The following ZMAT3 variants were observed in gnomAD, a reference collection of about 807,000 sequenced individuals.
The protein encoded by ZMAT3 is zinc finger matrin-type 3.
In ZMAT3, 17 loss-of-function variants were observed where a neutral mutation model predicts 32.3. The ratio of observed to expected loss-of-function variants is 0.53; its 90% CI spans 0.36 to 0.79. ZMAT3 has a LOEUF of 0.79. Ranked by LOEUF, ZMAT3 falls within the 30% of genes least tolerant of loss-of-function variation. The pLI is 0.00. For synonymous variants in ZMAT3, 120 were observed against 133.1 expected (o/e 0.90, Z 0.68); for missense variants, 329 against 359.7 (o/e 0.91, Z 0.69).
Position 179,022,983 on chromosome 3 carries a change from T to G in ZMAT3, c.*2034A>C, listed in dbSNP as rs976514880. ...AATTAGTAATACAAGCAATCAAATG[T>G]GAACTGACCATTGTGCAAACATACT... is the stretch of plus-strand genomic sequence containing the variant. On this transcript the variant is annotated 3_prime_UTR_variant, in exon 6 of 6. Transcript: ENST00000311417. 2.0e-5 allele frequency: 3 copies of G among 152,196 alleles called. No homozygotes were observed. Among genetic ancestry groups the G allele is most frequent in the Non-Finnish European group, 4.4e-5 (3 of 68,032 alleles). 9.4% of individuals were successfully genotyped at this position (152,196 alleles called of 1,614,324 possible). A position where few individuals can be genotyped will look rare whatever the true frequency, so the allele number is the denominator to read the frequency against.
chr3:179,064,368 T>A (rs1486017555), intron 2 of ZMAT3, among the ~76,000 whole-genome samples: 11 of 152,216 alleles, frequency 7.2e-5, no homozygotes, highest in Admixed American at 7.2e-4. Flanking sequence ...TAAACCACTT[T>A]ATTAGTCTAC....
chr3:179,067,573 G>A lies in ZMAT3; in HGVS notation c.180C>T (p.Asp60=). 6.2e-7 allele frequency: 1 copy of A among 1,614,212 alleles called. No individual in the cohort carries two copies. The highest frequency in any genetic ancestry group is 2.2e-5 in the East Asian group (1 of 44,880). Reference sequence around the variant, plus strand: ...GCTTACATAGCTCCTCCAGGGCACAGTCTTGCTCCCCTCCCTTCGATAACT... The same window carrying A: ...GCTTACATAGCTCCTCCAGGGCACAATCTTGCTCCCCTCCCTTCGATAACT... ...EEELSKGGEQ[D]CALEELCKPL... The change falls in exon 2 of 6, where the codon GAC becomes GAT. Residue 60 remains aspartate (D), a synonymous_variant. Transcript: ENST00000311417.
chr3:179,067,843 T>G (rs2108592645), intron 1 of ZMAT3, 34 bp from the exon 2 acceptor site: 2 of 1,506,660 alleles, frequency 1.3e-6, no homozygotes, highest in East Asian at 4.5e-5. Flanking sequence ...AAAAAAAAAC[T>G]CACTTGAAAA....
intron 2 of ZMAT3, among the ~76,000 whole-genome samples, chr3:179,058,835 G>GA (rs1447041316): frequency 8.0e-6 from 1 of 125,380 alleles, no homozygotes; most frequent in Non-Finnish European, 1.8e-5. Context: ...TGGAATACTT[G>GA]AAAGTAATTC....
At chr3:179,040,305 G>C (rs1466634243) in intron 2 of ZMAT3, among the ~76,000 whole-genome samples, 1 of 152,100 alleles carries the variant, frequency 6.6e-6, no homozygotes, top group African/African-American at 2.4e-5. Flanking sequence ...TTGAAATGAA[G>C]GAAAAAATGT....
Position 179,067,720 on chromosome 3 carries a change from T to G in ZMAT3, c.33A>C (p.Pro11=), listed in dbSNP as rs768781934. 1.1e-5 allele frequency: 17 copies of G among 1,613,870 alleles called. No homozygotes were observed. The highest frequency in any genetic ancestry group is 1.4e-5 in the Non-Finnish European group (16 of 1,180,018). ...GAGGCGAGGGTGAGGGCTGCTTAGG[T>G]GGAGGAAGCACGGCGTGTTGCAAGA... MILLQHAVLP[P]PKQPSPSPPM... The change falls in exon 2 of 6, where the codon CCA becomes CCC. Residue 11 remains proline (P), a synonymous_variant. Coordinates refer to ENST00000311417, the MANE Select transcript of ZMAT3 (RefSeq NM_022470.4).
chr3:179,065,714 T>C (rs1294924938), intron 2 of ZMAT3, among the ~76,000 whole-genome samples: 1 of 152,116 alleles, frequency 6.6e-6, no homozygotes, highest in Non-Finnish European at 1.5e-5. Flanking sequence ...AGGCTGAATC[T>C]AGCCAACATG....
Position 179,030,991 on chromosome 3 carries a change from A to G in ZMAT3, c.279T>C (p.Asn93=). The G allele has an allele frequency of 6.2e-7, 1 of 1,613,180 alleles. No homozygotes were observed. Among genetic ancestry groups the G allele is most frequent in the Non-Finnish European group, 8.5e-7 (1 of 1,179,580 alleles). ...AGTAATTTCGGAGTTTCTTACCATGATTTTTACCCTAGAAATAAAAATAAA... is the reference window on the plus strand; with the variant it reads ...AGTAATTTCGGAGTTTCTTACCATGGTTTTTACCCTAGAAATAAAAATAAA... ...QQAQAHYQGK[N]HGKKLRNYYA... Residue 93 remains asparagine, a synonymous_variant, in exon 3 of 6, where the codon AAT becomes AAC. Transcript: ENST00000311417.
intron 2 of ZMAT3, among the ~76,000 whole-genome samples, chr3:179,052,992 G>A (rs894754124): frequency 6.6e-6 from 1 of 152,048 alleles, no homozygotes; most frequent in Admixed American, 6.6e-5. Context: ...GCCAGGCACA[G>A]TGGCGGGCAT....
chr3:179,031,804 G>A (rs994310438), intron 2 of ZMAT3, among the ~76,000 whole-genome samples: 2 of 151,940 alleles, frequency 1.3e-5, no homozygotes, highest in Non-Finnish European at 1.5e-5. Flanking sequence ...CTACTCGGGA[G>A]GCTGAGGCAG....
rs533853376 is a variant in ZMAT3, at chr3:179,044,439, T to C, written c.271-13440A>G. ...GCAGGAGGATCACAAGGTCAGGAGA[T>C]TGAGAACATCCTGGCTAACATGATG... is the stretch of plus-strand genomic sequence containing the variant. On this transcript the variant is annotated intron_variant, in intron 2 of 5. Transcript: ENST00000311417. Among the ~76,000 whole-genome samples the C allele has an allele frequency of 5.3e-5, 8 of 152,102 alleles. No individual in the cohort carries two copies. The East Asian group carries it at 1.4e-3, about 26-fold the overall frequency.
chr3:179,061,062 GAA>G (rs11364006), intron 2 of ZMAT3, among the ~76,000 whole-genome samples: 349 of 150,692 alleles, frequency 2.3e-3, no homozygotes, highest in African/African-American at 7.7e-3. Flanking sequence ...TTTATTTCAA[GAA>G]AAAAAAAAAG....
intron 2 of ZMAT3, among the ~76,000 whole-genome samples, chr3:179,032,690 C>G (rs1288622006): frequency 1.3e-5 from 2 of 151,158 alleles, no homozygotes; most frequent in Non-Finnish European, 2.9e-5. Context: ...TCTGCCCCAC[C>G]ACCACCCCAT....
intron 2 of ZMAT3, among the ~76,000 whole-genome samples, chr3:179,063,903 T>C (rs1214772454): frequency 1.3e-5 from 2 of 152,228 alleles, no homozygotes; most frequent in Non-Finnish European, 2.9e-5. Flanking sequence ...TTTTTAAAAG[T>C]CCTTGGAATA....
At chr3:179,049,869 G>A (rs190616237) in intron 2 of ZMAT3, among the ~76,000 whole-genome samples, 1 of 151,786 alleles carries the variant, frequency 6.6e-6, no homozygotes, top group East Asian at 1.9e-4. Context: ...GTGGGCGCCT[G>A]TAGTCTCAGC....
chr3:179,052,854 G>A (rs1375930850), intron 2 of ZMAT3, among the ~76,000 whole-genome samples: 1 of 152,246 alleles, frequency 6.6e-6, no homozygotes. Flanking sequence ...TAGGCCAGGC[G>A]CGGTGGCTCA....
chr3:179,071,504 G>A (rs186133356), intron 1 of ZMAT3, 91 bp downstream of exon 1: 1 of 152,410 alleles, frequency 6.6e-6, no homozygotes, highest in Non-Finnish European at 1.5e-5. Flanking sequence ...GTGGAGGGCA[G>A]ATGGAAAGAG....
In ZMAT3 at chr3:179,024,772, T is replaced by C. The variant is rs1334158526; in HGVS notation, c.*245A>G. ...GATGGGGTAGGTAGGTCACATGCTA[T>C]GAGCGGCTCAACACCATTGACCCTG... On this transcript the variant is annotated 3_prime_UTR_variant, in exon 6 of 6. Transcript: ENST00000311417. 2.2e-6 allele frequency: 1 copy of C among 465,016 alleles called. No homozygotes were observed. Among genetic ancestry groups the C allele is most frequent in the Admixed American group, 3.3e-5 (1 of 30,292 alleles). 28.8% of individuals were successfully genotyped at this position (465,016 alleles called of 1,614,324 possible).
chr3:179,027,872 C>A, intron 3 of ZMAT3, 60 bp from the exon 4 acceptor site: 1 of 1,514,818 alleles, frequency 6.6e-7, no homozygotes, highest in Non-Finnish European at 8.8e-7. Context: ...TCCTCCTTCT[C>A]CTCAAAGGTC....
Sources: allele counts gnomAD v4.1 joint callset (sites outside exome capture counted in the v4.1 genomes callset), GRCh38; gene constraint gnomAD v4.1.1; transcripts MANE v1.5; gene names NCBI Gene and HGNC (gene_info 2026-07-23, HGNC 2026-07-21).